GLDC: variants seen among roughly 807,000 people sequenced by gnomAD.
GLDC encodes glycine dehydrogenase (decarboxylating), mitochondrial.
A neutral mutation model predicts 121.3 loss-of-function variants in GLDC; 104 were observed. That is an observed-to-expected ratio of 0.86 (90% CI 0.73 to 1.01). The LOEUF (loss-of-function observed/expected upper bound fraction) is 1.01, where lower values mean the gene tolerates loss of function less well. Among genes scored for constraint, GLDC ranks in the 50% least tolerant of loss-of-function variants. GLDC has a pLI of 0.00. For missense variants in GLDC, 1,429 were observed against 1,306.6 expected (o/e 1.09, Z -1.44); for synonymous variants, 546 against 480.6 (o/e 1.14, Z -1.78).
At chr9:6,553,571 G>C in intron 19 of GLDC, 62 bp from the exon 20 acceptor site, 5 of 1,529,288 alleles carry the variant, frequency 3.3e-6, no homozygotes, top group Non-Finnish European at 4.5e-6. Context: ...CTAATGGGAA[G>C]GTTCTGGGCC....
At chr9:6,603,971 G>C (rs144063737) in intron 7 of GLDC, among the ~76,000 whole-genome samples, 1 of 151,902 alleles carries the variant, frequency 6.6e-6, no homozygotes, top group Non-Finnish European at 1.5e-5. Flanking sequence ...CTTGTGATCT[G>C]CCTGACTCGG....
Position 6,569,909 on chromosome 9 carries a change from G to A in GLDC, c.1851-4480C>T, listed in dbSNP as rs558193228. 6.8e-4 allele frequency among the ~76,000 whole-genome samples: 103 copies of A among 152,152 alleles called. 2 individuals are homozygous for A. In the South Asian group the frequency reaches 0.02, roughly 30 times the overall value. ...GAGAATCGCTTAAAGCAAGGAGGTG[G>A]AGGCTGCAGTGATGTAAGATCGCGC... is the stretch of plus-strand genomic sequence containing the variant. On this transcript the variant is annotated intron_variant, in intron 15 of 24. Transcript: ENST00000321612.
chr9:6,540,284 G>T (rs758503597), intron 21 of GLDC, 138 bp from the exon 22 acceptor site: 7 of 698,476 alleles, frequency 1.0e-5, no homozygotes, highest in African/African-American at 5.3e-5. Flanking sequence ...TGGGCACCGG[G>T]TAAGTTTATT....
rs140941212 is a variant in GLDC, at chr9:6,553,627, G to A, written c.2316-118C>T. 1.5e-3 allele frequency: 1,368 copies of A among 930,046 alleles called. 1 individual carries two copies. Among genetic ancestry groups the A allele is most frequent in the Non-Finnish European group, 1.9e-3 (1,079 of 573,534 alleles). The allele number at this position is 930,046 out of a possible 1,614,324, so 57.6% of individuals were successfully genotyped here. On this transcript the variant is annotated intron_variant, in intron 19 of 24. Transcript: ENST00000321612. ...TAGCAGAGGAGCTCTGACAGTGGAAGGGACTCTCCACCTGCTGGGAGGCAG... is the reference window on the plus strand; with the variant it reads ...TAGCAGAGGAGCTCTGACAGTGGAAAGGACTCTCCACCTGCTGGGAGGCAG...
At chr9:6,544,854 C>A (rs900008999) in intron 21 of GLDC, among the ~76,000 whole-genome samples, 13 of 152,064 alleles carry the variant, frequency 8.5e-5, no homozygotes, top group Non-Finnish European at 1.9e-4. Context: ...AATCCCAGCA[C>A]TTTGGGAGGC....
chr9:6,595,106 T>C lies in GLDC; in HGVS notation c.1169A>G (p.Asn390Ser). 6.2e-7 allele frequency: 1 copy of C among 1,610,978 alleles called. No individual in the cohort carries two copies. Among genetic ancestry groups the C allele is most frequent in the Non-Finnish European group, 8.5e-7 (1 of 1,177,140 alleles). The change falls in exon 9 of 25, where the codon AAT becomes AGT. Residue 390 changes from asparagine to serine, a missense_variant. By Grantham distance (46) the Asn-to-Ser change is conservative. Coordinates refer to ENST00000321612, the MANE Select transcript of GLDC (RefSeq NM_000170.3). ...GTAGATTGCAAACATGGCAGCCATATTCGCCAAGAGGGCCTAAAAGATAAG... is the reference window on the plus strand; with the variant it reads ...GTAGATTGCAAACATGGCAGCCATACTCGCCAAGAGGGCCTAAAAGATAAG... ...NICTAQALLA[N>S]MAAMFAIYHG...
chr9:6,627,295 C>CAA (rs35067265), intron 2 of GLDC, among the ~76,000 whole-genome samples: 2,383 of 77,600 alleles, frequency 0.031, 121 homozygotes, highest in African/African-American at 0.089. Flanking sequence ...GACTCCATCT[C>CAA]AAAAAAAAAA....
intron 16 of GLDC, among the ~76,000 whole-genome samples, chr9:6,559,554 C>T (rs946317675): frequency 6.4e-5 from 9 of 141,654 alleles, no homozygotes; most frequent in Non-Finnish European, 1.1e-4. Context: ...TCAACCTGGC[C>T]GGGCATGGTG....
Position 6,642,124 on chromosome 9 carries a change from G to C in GLDC, c.334+2490C>G, listed in dbSNP as rs183890811. Among the ~76,000 whole-genome samples the C allele has an allele frequency of 4.3e-3, 651 of 152,276 alleles. 29 individuals carry two copies. The highest frequency in any genetic ancestry group is 0.039 in the Admixed American group (591 of 15,292). The stretch of plus-strand genomic sequence containing the variant: ...ATTCCAAGAAACAAGCTTTGTTGGA[G>C]AACTGGTCCATTTCAGGGAATGGGG... On this transcript the variant is annotated intron_variant, in intron 2 of 24. Transcript: ENST00000321612.
chr9:6,603,790 C>A (rs7046575), intron 7 of GLDC, among the ~76,000 whole-genome samples: 3,015 of 149,398 alleles, frequency 0.02, 95 homozygotes, highest in African/African-American at 0.07. Context: ...AGTGAGGCAG[C>A]GCGATCTCGG....
chr9:6,541,495 CGAACT>C (rs1305755432), intron 21 of GLDC: 1 of 152,258 alleles, frequency 6.6e-6, no homozygotes, highest in East Asian at 1.9e-4. Context: ...AGACAGTCTA[CGAACT>C]GCTCTGCTTC....
intron 21 of GLDC, among the ~76,000 whole-genome samples, chr9:6,543,893 G>GGC (rs1817327185): frequency 7.0e-6 from 1 of 142,072 alleles, no homozygotes; most frequent in African/African-American, 2.8e-5. Flanking sequence ...GAGGACAGGA[G>GGC]GGGGGGGGAT....
At chr9:6,553,603 A>G (rs1817559505) in intron 19 of GLDC, 94 bp from the exon 20 acceptor site, 2 of 1,216,130 alleles carry the variant, frequency 1.6e-6, no homozygotes, top group South Asian at 2.4e-5. Context: ...CCTTGTTCTT[A>G]GCAGAGGAGC....
At chr9:6,607,155 C>T (rs1049052921) in intron 4 of GLDC, among the ~76,000 whole-genome samples, 2 of 152,122 alleles carry the variant, frequency 1.3e-5, no homozygotes, top group Admixed American at 6.6e-5. Flanking sequence ...CCCATTCTAA[C>T]CCCATTTAGA....
chr9:6,609,501 A>C (rs1400818096), intron 4 of GLDC, among the ~76,000 whole-genome samples: 2 of 152,048 alleles, frequency 1.3e-5, no homozygotes, highest in Non-Finnish European at 2.9e-5. Context: ...TCATGCCTTT[A>C]CACTCAGCTA....
intron 2 of GLDC, among the ~76,000 whole-genome samples, chr9:6,636,518 T>C (rs746176587): frequency 5.9e-5 from 9 of 152,202 alleles, no homozygotes; most frequent in Admixed American, 5.9e-4. Flanking sequence ...CTCACGCCTA[T>C]GATCCTAGTA....
chr9:6,644,797 A>T (rs762220313), intron 1 of GLDC, 105 bp from the exon 2 acceptor site: 1 of 778,802 alleles, frequency 1.3e-6, no homozygotes, highest in Middle Eastern at 2.7e-4. Flanking sequence ...AAATCGCCTA[A>T]TTAGGGTTCT....
At chr9:6,574,706 T>C (rs564116955) in intron 15 of GLDC, among the ~76,000 whole-genome samples, 3 of 152,238 alleles carry the variant, frequency 2.0e-5, no homozygotes, top group Non-Finnish European at 2.9e-5. Flanking sequence ...CTCACCCTGC[T>C]TTTTTCCTGG....
chr9:6,553,020 A>G (rs538889586), intron 20 of GLDC, among the ~76,000 whole-genome samples: 1 of 152,158 alleles, frequency 6.6e-6, no homozygotes, highest in Non-Finnish European at 1.5e-5. Flanking sequence ...TTCACTCGGA[A>G]GGGGCTATAT....
Sources: allele counts gnomAD v4.1 joint callset (sites outside exome capture counted in the v4.1 genomes callset), GRCh38; gene constraint gnomAD v4.1.1; transcripts MANE v1.5; gene names NCBI Gene and HGNC (gene_info 2026-07-23, HGNC 2026-07-21).